The following FMO3 variants were observed in gnomAD, a reference collection of about 807,000 sequenced individuals.
FMO3 encodes flavin containing dimethylaniline monoxygenase 3.
Under a neutral mutation model 39.4 loss-of-function variants are expected in FMO3, and 40 were observed. The observed-to-expected ratio is 1.02, with a 90% CI of 0.79 to 1.32. The LOEUF (loss-of-function observed/expected upper bound fraction) is 1.32, where lower values mean the gene tolerates loss of function less well. Ranked by LOEUF, FMO3 falls within the 40% of genes most tolerant of loss-of-function variation. The pLI is 0.00. For synonymous variants in FMO3, 219 were observed against 228.8 expected (o/e 0.96, Z 0.39); for missense variants, 680 against 651.8 (o/e 1.04, Z -0.47).
chr1:171,104,392 A>G (rs1557939717), intron 3 of FMO3, among the ~76,000 whole-genome samples: 1 of 152,114 alleles, frequency 6.6e-6, no homozygotes, highest in Non-Finnish European at 1.5e-5. Context: ...CATGAAAATT[A>G]TAAATGTAAA....
In FMO3 at chr1:171,117,151, A is replaced by AC; in HGVS notation, c.1309dup (p.Leu437ProfsTer31). 6.2e-7 allele frequency: 1 copy of AC among 1,614,172 alleles called. No individual in the cohort carries two copies. Among genetic ancestry groups the AC allele is most frequent in the Non-Finnish European group, 8.5e-7 (1 of 1,180,016 alleles). ...CAGATTACATTGTTTATATGGATGA[A>AC]CTCTCCTCCTTCATTGGGGCAAAGC... On this transcript the variant is annotated frameshift_variant, in exon 9 of 9. Coordinates refer to ENST00000367755, the MANE Select transcript of FMO3 (RefSeq NM_001002294.3). LOFTEE classifies it low-confidence loss of function (END_TRUNC).
chr1:171,102,510 A>G (rs985204340), intron 2 of FMO3, among the ~76,000 whole-genome samples: 1 of 152,154 alleles, frequency 6.6e-6, no homozygotes, highest in Non-Finnish European at 1.5e-5. Flanking sequence ...GATGTGTCCT[A>G]TGGTAAGCTC....
chr1:171,115,448 T>C (rs889713032), intron 7 of FMO3, among the ~76,000 whole-genome samples: 1 of 152,128 alleles, frequency 6.6e-6, no homozygotes, highest in Non-Finnish European at 1.5e-5. Context: ...AACCATACCA[T>C]ATCTACAAAA....
rs539145719 is a variant in FMO3 at position 171,102,034 on chromosome 1, C to A, written c.133-1751C>A. Among the ~76,000 whole-genome samples, 7 of 152,206 alleles carry A rather than the reference C, an allele frequency of 4.6e-5. No homozygotes were observed. In the South Asian group the frequency reaches 1.5e-3, roughly 32 times the overall value. On this transcript the variant is annotated intron_variant, in intron 2 of 8. Coordinates refer to ENST00000367755, the MANE Select transcript of FMO3 (RefSeq NM_001002294.3). The stretch of plus-strand genomic sequence containing the variant: ...CAGAAAGCTACAAATTTTTGCACTT[C>A]CCCATCCCACATGCCTATAGCAGAG...
rs1209929066 is a variant in FMO3, at chr1:171,107,827, G to A, written c.474G>A (p.Glu158=). ...ATGTGTATCCCAACCTACCAAAAGA[G>A]TCCTTTCCAGGTAAGGCCAAAATTT... The part of the protein sequence containing the change: ...GHHVYPNLPK[E]SFPGLNHFKG... Residue 158 remains glutamate, a synonymous_variant, in exon 4 of 9, where the codon GAG becomes GAA. Transcript: ENST00000367755. The A allele has an allele frequency of 6.2e-7, 1 of 1,613,908 alleles. No individual in the cohort carries two copies.
At chr1:171,107,619 T>G in intron 3 of FMO3, 56 bp from the exon 4 acceptor site, 1 of 1,488,024 alleles carries the variant, frequency 6.7e-7, no homozygotes, top group Non-Finnish European at 9.4e-7. Flanking sequence ...ATACTGTATC[T>G]GCCAAAACCA....
intron 2 of FMO3, among the ~76,000 whole-genome samples, chr1:171,102,632 C>A (rs938358326): frequency 6.6e-6 from 1 of 152,166 alleles, no homozygotes; most frequent in Non-Finnish European, 1.5e-5. Flanking sequence ...TTAAAACTTG[C>A]TGTCAATTAA....
chr1:171,091,042 A>G (rs201947474), intron 1 of FMO3, 61 bp downstream of exon 1: 5 of 152,352 alleles, frequency 3.3e-5, no homozygotes, highest in African/African-American at 1.2e-4. Flanking sequence ...CCTGACCAAC[A>G]TGGTGAAACC....
rs866180245 is a variant in FMO3, at chr1:171,095,830, A to G, written c.132+3040A>G. 5.9e-4 allele frequency among the ~76,000 whole-genome samples: 62 copies of G among 105,682 alleles called. 1 individual carries two copies. In the South Asian group the frequency reaches 0.017, roughly 29 times the overall value. The allele number at this position is 105,682 out of a possible 152,430, so 69.3% of individuals were successfully genotyped here. On this transcript the variant is annotated intron_variant, in intron 2 of 8. Coordinates refer to ENST00000367755, the MANE Select transcript of FMO3 (RefSeq NM_001002294.3). ...ATATATTTATATAACTATATAGATT[A>G]AATATATAAACATATAATTATATAT...
chr1:171,108,334 C>A, intron 5 of FMO3, 113 bp downstream of exon 5: 1 of 1,294,862 alleles, frequency 7.7e-7, no homozygotes, highest in South Asian at 1.3e-5. Flanking sequence ...GATGTAAAGA[C>A]TAAGTGGTAT....
intron 5 of FMO3, 55 bp downstream of exon 5, chr1:171,108,276 C>CTTTGAATAATA: frequency 1.3e-6 from 2 of 1,599,618 alleles, no homozygotes; most frequent in South Asian, 2.2e-5. Context: ...GAGTTATTAT[C>CTTTGAATAATA]GTTTGAAAGG....
rs114536220 is a variant in FMO3 at position 171,098,773 on chromosome 1, A to G, written c.133-5012A>G. ...TGACTTCCTCTTTTCCTAATTGAACATGCTTTATTTCTTTCTCCTGCCTGA... is the reference window on the plus strand; with the variant it reads ...TGACTTCCTCTTTTCCTAATTGAACGTGCTTTATTTCTTTCTCCTGCCTGA... On this transcript the variant is annotated intron_variant, in intron 2 of 8. Coordinates refer to ENST00000367755, the MANE Select transcript of FMO3 (RefSeq NM_001002294.3). Among the ~76,000 whole-genome samples, 29 of 152,282 alleles carry G rather than the reference A, an allele frequency of 1.9e-4. 1 individual carries two copies. In the East Asian group the frequency reaches 5.6e-3, roughly 29 times the overall value.
chr1:171,092,965 A>C (rs6608462), intron 2 of FMO3, among the ~76,000 whole-genome samples, 175 bp downstream of exon 2: 3,980 of 152,308 alleles, frequency 0.026, 180 homozygotes, highest in African/African-American at 0.092. Flanking sequence ...CTTGCAAGTC[A>C]GAAGTAAATT....
intron 5 of FMO3, 84 bp downstream of exon 5, chr1:171,108,305 G>A (rs1411072816): frequency 6.6e-6 from 10 of 1,518,632 alleles, no homozygotes; most frequent in African/African-American, 1.4e-5. Flanking sequence ...GAAATGTGGG[G>A]GAGGAGGGAA....
intron 2 of FMO3, among the ~76,000 whole-genome samples, chr1:171,096,196 T>A (rs1391214466): frequency 3.4e-5 from 3 of 88,634 alleles, no homozygotes; most frequent in African/African-American, 4.8e-5. Context: ...AATATATATT[T>A]ATATCAATAT....
chr1:171,096,212 TTA>T (rs1287839785), intron 2 of FMO3, among the ~76,000 whole-genome samples: 1 of 71,522 alleles, frequency 1.4e-5, no homozygotes, highest in Non-Finnish European at 2.2e-5. Flanking sequence ...AATATAATAT[TTA>T]TATATAAATA....
intron 2 of FMO3, among the ~76,000 whole-genome samples, chr1:171,095,771 ATATT>A (rs1231541588): frequency 7.6e-6 from 1 of 131,014 alleles, no homozygotes; most frequent in East Asian, 2.0e-4. Flanking sequence ...TATTTAATAT[ATATT>A]TATATATTAA....
At position 171,110,892 on chromosome 1, in the gene FMO3, C is replaced by A. The variant is rs1655878176; in HGVS notation, c.722C>A (p.Thr241Asn). ...WDMLLVTRFG[T>N]FLKNNLPTAI... ...ATGCTGCTCGTCACTCGATTTGGAA[C>A]CTTCCTCAAGAACAATTTACCGACA... The change falls in exon 6 of 9, where the codon ACC becomes AAC. Residue 241 changes from threonine to asparagine, a missense_variant. By Grantham distance (65) the Thr-to-Asn change is moderately conservative (BLOSUM62 0). Transcript: ENST00000367755. 6.2e-7 allele frequency: 1 copy of A among 1,613,860 alleles called. No individual in the cohort carries two copies. The highest frequency in any genetic ancestry group is 1.3e-5 in the African/African-American group (1 of 74,886).
chr1:171,107,628 C>T, intron 3 of FMO3, 47 bp from the exon 4 acceptor site: 1 of 1,546,602 alleles, frequency 6.5e-7, no homozygotes, highest in Non-Finnish European at 8.9e-7. Flanking sequence ...CTGCCAAAAC[C>T]ATTTGCTAGC....
Sources: allele counts gnomAD v4.1 joint callset (sites outside exome capture counted in the v4.1 genomes callset), GRCh38; gene constraint gnomAD v4.1.1; transcripts MANE v1.5; gene names NCBI Gene and HGNC (gene_info 2026-07-23, HGNC 2026-07-21).